The following GPHN variants were observed in gnomAD, a reference collection of about 807,000 sequenced individuals.
GPHN encodes gephyrin.
In GPHN, 17 loss-of-function variants were observed where a neutral mutation model predicts 95.5. The ratio of observed to expected loss-of-function variants is 0.18; its 90% confidence interval spans 0.12 to 0.27. The LOEUF (loss-of-function observed/expected upper bound fraction) is 0.27, where lower values mean the gene tolerates loss of function less well. Among genes scored for constraint, GPHN ranks in the 10% least tolerant of loss-of-function variants. The pLI is 1.00. For missense variants in GPHN, 660 were observed against 978.1 expected (o/e 0.67, Z 4.34); for synonymous variants, 320 against 322.5 (o/e 0.99, Z 0.08).
chr14:67,592,725 GAAAAT>G, the GPHN span: 93 of 1,550,440 alleles, frequency 6.0e-5, no homozygotes, highest in Non-Finnish European at 7.9e-5. Flanking sequence ...TCTGCTGTAA[GAAAAT>G]AAATCAAATA....
At chr14:67,590,702 G>A in the GPHN span, among the ~76,000 whole-genome samples, 1 of 152,192 alleles carries the variant, frequency 6.6e-6, no homozygotes, top group Non-Finnish European at 1.5e-5. Context: ...GGGTATAAAT[G>A]ACACAGCAGT....
intron 8 of GPHN, among the ~76,000 whole-genome samples, chr14:66,938,893 G>C (rs2067256859): frequency 6.6e-6 from 1 of 152,128 alleles, no homozygotes; most frequent in African/African-American, 2.4e-5. Flanking sequence ...AAAAACTCTT[G>C]CAAATATGGT....
At chr14:67,541,798 A>T in the GPHN span, 2 of 1,403,946 alleles carry the variant, frequency 1.4e-6, no homozygotes, top group Non-Finnish European at 1.9e-6. Flanking sequence ...TCACACGCTT[A>T]TTTATCTTTT....
At chr14:66,592,811 A>G (rs950342659) in intron 1 of GPHN, among the ~76,000 whole-genome samples, 2 of 152,138 alleles carry the variant, frequency 1.3e-5, no homozygotes, top group Non-Finnish European at 2.9e-5. Context: ...ATATACCCAA[A>G]GGATTATAAA....
At chr14:67,510,558 T>TAAAAGA in the GPHN span, among the ~76,000 whole-genome samples, 1 of 152,104 alleles carries the variant, frequency 6.6e-6, no homozygotes, top group African/African-American at 2.4e-5. Context: ...TATGCCAAAC[T>TAAAAGA]AAAAGAAAAA....
the GPHN span, among the ~76,000 whole-genome samples, chr14:67,528,897 A>AATCTGTATT: frequency 1.3e-5 from 2 of 152,206 alleles, no homozygotes; most frequent in African/African-American, 4.8e-5. Context: ...GGTGGCCTGG[A>AATCTGTATT]ATCTGTATTT....
the GPHN span, chr14:67,562,551 G>A: frequency 6.2e-7 from 1 of 1,609,276 alleles, no homozygotes; most frequent in Non-Finnish European, 8.5e-7. Context: ...GGTGGTCCTG[G>A]CAGCAGTCTG....
At chr14:67,018,494 A>G (rs534392553) in intron 9 of GPHN, among the ~76,000 whole-genome samples, 6 of 152,308 alleles carry the variant, frequency 3.9e-5, no homozygotes, top group African/African-American at 1.4e-4. Context: ...TCAAGAATAC[A>G]AGGCAGTTTC....
intron 21 of GPHN, 135 bp downstream of exon 21, chr14:67,169,171 G>A (rs2082450379): frequency 1.4e-6 from 1 of 692,980 alleles, no homozygotes; most frequent in East Asian, 2.7e-5. Flanking sequence ...TTCTCCCCCT[G>A]TGTACTAGAA....
chr14:67,619,950 G>A, the GPHN span: 8 of 1,508,818 alleles, frequency 5.3e-6, no homozygotes, highest in African/African-American at 9.9e-5. Flanking sequence ...CGGAGCCTCT[G>A]CCTTGGAGAT....
intron 17 of GPHN, among the ~76,000 whole-genome samples, chr14:67,128,067 T>C (rs2079440991): frequency 1.3e-5 from 2 of 152,256 alleles, no homozygotes; most frequent in Non-Finnish European, 2.9e-5. Context: ...CTCTTTTTGC[T>C]ATGCTCATTC....
At chr14:67,301,165 T>C in the GPHN span, among the ~76,000 whole-genome samples, 4 of 152,176 alleles carry the variant, frequency 2.6e-5, no homozygotes, top group Non-Finnish European at 5.9e-5. Flanking sequence ...ATTTTGTCTA[T>C]AGGCGTAAGT....
chr14:66,693,626 C>T, intron 2 of GPHN, among the ~76,000 whole-genome samples: 1 of 152,154 alleles, frequency 6.6e-6, no homozygotes, highest in East Asian at 1.9e-4. Flanking sequence ...TTTCGGTCCC[C>T]TCTAATTGGG....
the GPHN span, among the ~76,000 whole-genome samples, chr14:67,256,955 G>A: frequency 1.3e-5 from 2 of 152,076 alleles, no homozygotes; most frequent in African/African-American, 4.8e-5. Context: ...CTAAGGACGC[G>A]GCTGTGACAC....
At chr14:66,739,786 G>C (rs1221243031) in intron 2 of GPHN, among the ~76,000 whole-genome samples, 2 of 151,808 alleles carry the variant, frequency 1.3e-5, no homozygotes, top group Non-Finnish European at 2.9e-5. Context: ...ACCCTACATA[G>C]ACATTAAATA....
At chr14:66,633,478 T>C (rs2063934468) in intron 1 of GPHN, among the ~76,000 whole-genome samples, 1 of 152,204 alleles carries the variant, frequency 6.6e-6, no homozygotes, top group South Asian at 2.1e-4. Context: ...GGCTTCATTT[T>C]AGTTTTTTGA....
chr14:66,961,943 TATATAC>T lies in GPHN; in HGVS notation c.829-3246_829-3241del, dbSNP rs1377787200. The stretch of plus-strand genomic sequence containing the variant: ...ATATATATATATATATATATATATA[TATATAC>T]ACATATCTCCCAGAAATTTACTCAC... On this transcript the variant is annotated intron_variant, in intron 8 of 22. Transcript: ENST00000478722. 2.0e-3 allele frequency among the ~76,000 whole-genome samples: 157 copies of T among 79,378 alleles called. 3 individuals carry two copies. The highest frequency in any genetic ancestry group is 3.3e-3 in the African/African-American group (30 of 9,090). The allele number at this position is 79,378 out of a possible 152,430, so 52.1% of individuals were successfully genotyped here. A position where few individuals can be genotyped will look rare whatever the true frequency, so the allele number is the denominator to read the frequency against.
chr14:67,523,827 T>A, the GPHN span, among the ~76,000 whole-genome samples: 573 of 152,244 alleles, frequency 3.8e-3, 2 homozygotes, highest in African/African-American at 0.013. Flanking sequence ...GGAAACAATA[T>A]CTTTGGAGGA....
At chr14:67,137,516 C>G (rs2080163839) in intron 17 of GPHN, among the ~76,000 whole-genome samples, 1 of 152,090 alleles carries the variant, frequency 6.6e-6, no homozygotes, top group Non-Finnish European at 1.5e-5. Context: ...GTAATCCCAG[C>G]ACTTTTGGAG....
Sources: gnomAD v4.1 joint callset for allele counts (sites outside exome capture counted in the v4.1 genomes callset) on GRCh38, gnomAD v4.1.1 for gene constraint, MANE v1.5 for transcripts, NCBI Gene and HGNC (gene_info 2026-07-23, HGNC 2026-07-21) for gene names.